XYLT1: variants seen among roughly 807,000 people sequenced by gnomAD.
XYLT1 encodes the protein xylosyltransferase 1, also known as beta-D-xylosyltransferase 1.
In XYLT1, 36 loss-of-function variants were observed where a neutral mutation model predicts 91.3. The ratio of observed to expected loss-of-function variants is 0.39; its 90% confidence interval spans 0.30 to 0.52. The LOEUF (loss-of-function observed/expected upper bound fraction) is 0.52, where lower values mean the gene tolerates loss of function less well. XYLT1 is among the 20% of genes least tolerant of loss of function. The pLI, the probability that XYLT1 is intolerant of heterozygous loss-of-function variation, is 0.68. For missense variants in XYLT1, 1,242 were observed against 1,284.5 expected (o/e 0.97, Z 0.51); for synonymous variants, 588 against 532.0 (o/e 1.11, Z -1.45).
At chr16:17,407,050 G>A (rs2036042479) in intron 1 of XYLT1, among the ~76,000 whole-genome samples, 1 of 152,058 alleles carries the variant, frequency 6.6e-6, no homozygotes, top group South Asian at 2.1e-4. Flanking sequence ...CACCCAGGCT[G>A]GAATGCAGTG....
intron 3 of XYLT1, among the ~76,000 whole-genome samples, chr16:17,219,962 A>G (rs2032937427): frequency 6.6e-6 from 1 of 152,130 alleles, no homozygotes; most frequent in African/African-American, 2.4e-5. Flanking sequence ...TCTAAATAAG[A>G]ACCTCTCTGA....
intron 8 of XYLT1, among the ~76,000 whole-genome samples, chr16:17,137,974 G>A (rs1006783509): frequency 1.3e-5 from 2 of 152,124 alleles, no homozygotes; most frequent in African/African-American, 4.8e-5. Context: ...ATACTTAAAA[G>A]CATATTCCTG....
At chr16:17,399,776 C>T (rs549570635) in intron 1 of XYLT1, among the ~76,000 whole-genome samples, 74 of 152,226 alleles carry the variant, frequency 4.9e-4, no homozygotes, top group African/African-American at 1.5e-3. Flanking sequence ...CTCCGGCCCT[C>T]GCCCCCAACT....
chr16:17,466,114 TA>T (rs2036893664), intron 1 of XYLT1, among the ~76,000 whole-genome samples: 1 of 152,228 alleles, frequency 6.6e-6, no homozygotes, highest in Admixed American at 6.5e-5. Context: ...GTTTGTTTTT[TA>T]GTTATTTTTT....
Position 17,318,437 on chromosome 16 carries a change from A to C in XYLT1, c.402+39575T>G, listed in dbSNP as rs572529777. 6.6e-5 allele frequency among the ~76,000 whole-genome samples: 10 copies of C among 152,294 alleles called. No homozygotes were observed. The Middle Eastern group carries it at 0.017, about 259-fold the overall frequency. On this transcript the variant is annotated intron_variant, in intron 2 of 11. Transcript: ENST00000261381. ...TGTTTTGTTTTGTAAATCACTTCCT[A>C]AGTATTACCAAGGCTCCCACACCAA...
Position 17,309,236 on chromosome 16 carries a change from C to T in XYLT1, c.402+48776G>A, listed in dbSNP as rs565546380. ...ATGTTGAGCAGCATCCTTGGCTCTACCCACTAGATGCCAGTAGCATCCGTC... is the reference window on the plus strand; with the variant it reads ...ATGTTGAGCAGCATCCTTGGCTCTATCCACTAGATGCCAGTAGCATCCGTC... On this transcript the variant is annotated intron_variant, in intron 2 of 11. Transcript: ENST00000261381. Among the ~76,000 whole-genome samples, 10 of 152,256 alleles carry T rather than the reference C, an allele frequency of 6.6e-5. No individual in the cohort carries two copies. The South Asian group carries it at 2.1e-3, about 32-fold the overall frequency.
At chr16:17,213,600 T>C (rs1473285371) in intron 3 of XYLT1, among the ~76,000 whole-genome samples, 2 of 152,106 alleles carry the variant, frequency 1.3e-5, no homozygotes, top group African/African-American at 4.8e-5. Flanking sequence ...GCTTCTATTG[T>C]ATTGGAACAA....
intron 3 of XYLT1, among the ~76,000 whole-genome samples, chr16:17,213,204 T>C (rs2032795173): frequency 6.6e-6 from 1 of 152,166 alleles, no homozygotes; most frequent in South Asian, 2.1e-4. Flanking sequence ...CTCCCCTGTC[T>C]TGCTCTTGTT....
chr16:17,419,390 T>C (rs1339583909), intron 1 of XYLT1, among the ~76,000 whole-genome samples: 1 of 152,028 alleles, frequency 6.6e-6, no homozygotes, highest in East Asian at 1.9e-4. Context: ...ATTACACTCA[T>C]TGACATAGCT....
At chr16:17,167,173 C>A (rs755899202) in intron 5 of XYLT1, among the ~76,000 whole-genome samples, 69 of 152,220 alleles carry the variant, frequency 4.5e-4, no homozygotes, top group Non-Finnish European at 8.2e-4. Context: ...TTCAATCCCG[C>A]TTTCCCCGTG....
At chr16:17,222,075 G>A (rs2141610192) in intron 3 of XYLT1, among the ~76,000 whole-genome samples, 1 of 152,298 alleles carries the variant, frequency 6.6e-6, no homozygotes, top group East Asian at 1.9e-4. Context: ...CAACTGGCTT[G>A]GCCAAGAAGT....
intron 2 of XYLT1, among the ~76,000 whole-genome samples, chr16:17,294,218 G>T (rs1237219062): frequency 6.6e-6 from 1 of 152,138 alleles, no homozygotes; most frequent in Non-Finnish European, 1.5e-5. Context: ...GAGTGGGGAA[G>T]GGAAAGGGAG....
intron 2 of XYLT1, among the ~76,000 whole-genome samples, chr16:17,289,779 G>A (rs1452819442): frequency 1.3e-5 from 2 of 152,078 alleles, no homozygotes; most frequent in African/African-American, 2.4e-5. Flanking sequence ...CAAAACAAAC[G>A]CAAACATGCA....
At chr16:17,278,673 A>G (rs781529866) in intron 2 of XYLT1, among the ~76,000 whole-genome samples, 14 of 152,076 alleles carry the variant, frequency 9.2e-5, no homozygotes, top group African/African-American at 1.4e-4. Flanking sequence ...TTTACCCAAG[A>G]TTTTGCACGA....
chr16:17,148,879 C>A (rs2031207708), intron 6 of XYLT1, among the ~76,000 whole-genome samples: 1 of 152,218 alleles, frequency 6.6e-6, no homozygotes, highest in South Asian at 2.1e-4. Context: ...TTGGAAGAAT[C>A]TTTCTGCCAG....
At chr16:17,171,409 T>C (rs1005323012) in intron 5 of XYLT1, among the ~76,000 whole-genome samples, 1 of 152,180 alleles carries the variant, frequency 6.6e-6, no homozygotes, top group Non-Finnish European at 1.5e-5. Context: ...CAAAATGCAC[T>C]GCAACACAGG....
At chr16:17,341,224 A>G (rs1047667642) in intron 2 of XYLT1, among the ~76,000 whole-genome samples, 17 of 150,918 alleles carry the variant, frequency 1.1e-4, no homozygotes, top group African/African-American at 3.9e-4. Context: ...AAATAGGGGG[A>G]AAAAAACCAA....
At position 17,244,096 on chromosome 16, in the gene XYLT1, T is replaced by C. The variant is rs74010558; in HGVS notation, c.913+14892A>G. On this transcript the variant is annotated intron_variant, in intron 3 of 11. Transcript: ENST00000261381. ...TGTCCAGACGTCCCGAGGGGCTCAG[T>C]AGCATTGGTTGCAAACCACTGAATC... Among the ~76,000 whole-genome samples, 949 of 152,152 alleles carry C rather than the reference T, an allele frequency of 6.2e-3. 13 individuals are homozygous for C. Among genetic ancestry groups the C allele is most frequent in the African/African-American group, 0.022 (908 of 41,514 alleles).
intron 1 of XYLT1, among the ~76,000 whole-genome samples, chr16:17,415,947 G>T (rs932200219): frequency 3.3e-5 from 5 of 152,208 alleles, no homozygotes; most frequent in East Asian, 1.9e-4. Context: ...AAGCATGAAG[G>T]TCCCCAAATG....
Sources: allele counts gnomAD v4.1 joint callset (sites outside exome capture counted in the v4.1 genomes callset), GRCh38; gene constraint gnomAD v4.1.1; transcripts MANE v1.5; gene names NCBI Gene and HGNC (gene_info 2026-07-23, HGNC 2026-07-21).